The following GNG7 variants were observed in gnomAD, a reference collection of about 807,000 sequenced individuals.
GNG7 encodes the protein guanine nucleotide-binding protein G(I)/G(S)/G(O) subunit gamma-7.
GNG7 carries 1 observed loss-of-function variant against 4.0 expected under a neutral mutation model. That is an observed-to-expected ratio of 0.25 (90% confidence interval 0.09 to 1.18). GNG7 has a LOEUF of 1.18. Ranked by LOEUF, GNG7 falls within the 50% of genes most tolerant of loss-of-function variation. GNG7 has a pLI of 0.50. For missense variants in GNG7, 86 were observed against 91.9 expected (o/e 0.94, Z 0.26); for synonymous variants, 34 against 36.9 (o/e 0.92, Z 0.29).
chr19:2,697,503 C>A (rs1913294973), intron 1 of GNG7, among the ~76,000 whole-genome samples: 1 of 152,144 alleles, frequency 6.6e-6, no homozygotes, highest in Admixed American at 6.6e-5. Context: ...TCCTGGGTGA[C>A]GTAAACCATG....
At chr19:2,659,869 C>T (rs1048459459) in intron 1 of GNG7, among the ~76,000 whole-genome samples, 3 of 152,042 alleles carry the variant, frequency 2.0e-5, no homozygotes, top group Non-Finnish European at 2.9e-5. Context: ...GATCCCCTTC[C>T]ACAAGCTTCC....
chr19:2,551,639 A>G (rs376144712), intron 3 of GNG7, among the ~76,000 whole-genome samples: 1 of 144,742 alleles, frequency 6.9e-6, no homozygotes, highest in Admixed American at 7.1e-5. Flanking sequence ...ATAAAAACAC[A>G]TATACATATT....
At chr19:2,591,451 G>C (rs1391132860) in intron 2 of GNG7, among the ~76,000 whole-genome samples, 1 of 99,938 alleles carries the variant, frequency 1.0e-5, no homozygotes, top group Non-Finnish European at 1.8e-5. Flanking sequence ...TGAAAATAAA[G>C]GGTTTTTTTT....
intron 3 of GNG7, among the ~76,000 whole-genome samples, chr19:2,525,300 G>A (rs1268386575): frequency 6.6e-6 from 1 of 152,190 alleles, no homozygotes; most frequent in African/African-American, 2.4e-5. Flanking sequence ...GTCGGGCTCT[G>A]CCTCGGTGCA....
At chr19:2,678,419 C>G (rs138755587) in intron 1 of GNG7, among the ~76,000 whole-genome samples, 1,732 of 152,200 alleles carry the variant, frequency 0.011, 29 homozygotes, top group African/African-American at 0.039. Context: ...GGCTTGGGCA[C>G]GGAGTCAAAA....
intron 2 of GNG7, among the ~76,000 whole-genome samples, chr19:2,560,939 A>C (rs1302871819): frequency 6.9e-6 from 1 of 144,760 alleles, no homozygotes; most frequent in East Asian, 2.0e-4. Context: ...CCTGGGCGAC[A>C]GAAGGAGACT....
chr19:2,678,557 G>C (rs970071909), intron 1 of GNG7, among the ~76,000 whole-genome samples: 2 of 152,118 alleles, frequency 1.3e-5, no homozygotes, highest in African/African-American at 2.4e-5. Context: ...CACCTATTAT[G>C]GGTGGAGGAA....
Position 2,652,545 on chromosome 19 carries a change from A to T in GNG7, c.-134-6265T>A, listed in dbSNP as rs142912376. Reference sequence around the variant, plus strand: ...GAGGCAGGAGAATCGCTTGAACCCGAGAGGCAGAGGTTGCAGTGAGCTGGG... The same window carrying T: ...GAGGCAGGAGAATCGCTTGAACCCGTGAGGCAGAGGTTGCAGTGAGCTGGG... On this transcript the variant is annotated intron_variant, in intron 1 of 4. Coordinates refer to ENST00000382159, the MANE Select transcript of GNG7 (RefSeq NM_052847.3). Among the ~76,000 whole-genome samples, 1,121 of 151,980 alleles carry T rather than the reference A, an allele frequency of 7.4e-3. 20 individuals carry two copies. Among genetic ancestry groups the T allele is most frequent in the African/African-American group, 0.025 (1,044 of 41,444 alleles).
intron 1 of GNG7, among the ~76,000 whole-genome samples, chr19:2,650,695 G>A (rs59389123): frequency 6.6e-6 from 1 of 152,140 alleles, no homozygotes; most frequent in African/African-American, 2.4e-5. Flanking sequence ...CATCCCAGCC[G>A]CTCTGTCCTC....
intron 2 of GNG7, among the ~76,000 whole-genome samples, chr19:2,607,194 C>G (rs1315546222): frequency 6.9e-6 from 1 of 145,136 alleles, no homozygotes; most frequent in African/African-American, 2.5e-5. Context: ...GCACTCCAGC[C>G]TGGGCGACAG....
chr19:2,542,483 C>T (rs1008132764), intron 3 of GNG7, among the ~76,000 whole-genome samples: 4 of 152,058 alleles, frequency 2.6e-5, no homozygotes, highest in Non-Finnish European at 4.4e-5. Flanking sequence ...AGGGGGACTG[C>T]GCCCTACGAC....
At chr19:2,642,970 C>A (rs1461981607) in intron 2 of GNG7, 1 of 451,646 alleles carries the variant, frequency 2.2e-6, no homozygotes, top group Admixed American at 2.4e-5. Flanking sequence ...GCCGTCGGCA[C>A]CCGAAATGCA....
chr19:2,585,385 G>A (rs1183498264), intron 2 of GNG7, among the ~76,000 whole-genome samples: 2 of 151,906 alleles, frequency 1.3e-5, no homozygotes, highest in African/African-American at 4.8e-5. Context: ...TAAATACATA[G>A]ACACACATAA....
intron 2 of GNG7, among the ~76,000 whole-genome samples, chr19:2,600,028 A>G (rs1981151612): frequency 1.3e-5 from 2 of 152,086 alleles, no homozygotes; most frequent in African/African-American, 4.8e-5. Context: ...AGTGAATTCT[A>G]TGGCATGTAA....
At position 2,628,404 on chromosome 19, in the gene GNG7, C is replaced by G. The variant is rs543295207; in HGVS notation, c.-78+17820G>C. On this transcript the variant is annotated intron_variant, in intron 2 of 4. Transcript: ENST00000382159. ...GTGCTCTGAGCCCCTAGAGGCTACT[C>G]TCAGGTGTCTGCCACATGGACCCTC... is the stretch of plus-strand genomic sequence containing the variant. 3.0e-4 allele frequency among the ~76,000 whole-genome samples: 45 copies of G among 152,258 alleles called. 1 individual carries two copies. The South Asian group carries it at 9.1e-3, about 31-fold the overall frequency.
intron 3 of GNG7, among the ~76,000 whole-genome samples, chr19:2,536,630 C>G (rs988449853): frequency 1.3e-5 from 2 of 152,186 alleles, no homozygotes; most frequent in Admixed American, 6.5e-5. Flanking sequence ...GTATATGTGA[C>G]AGAGCACAGG....
At chr19:2,515,190 AG>A in intron 4 of GNG7, 43 bp from the exon 5 acceptor site, 1 of 1,610,018 alleles carries the variant, frequency 6.2e-7, no homozygotes. Context: ...ACATAAGAAG[AG>A]GCTGGCACAC....
intron 3 of GNG7, among the ~76,000 whole-genome samples, chr19:2,547,899 G>A (rs1029194159): frequency 6.6e-6 from 1 of 152,322 alleles, no homozygotes; most frequent in East Asian, 1.9e-4. Flanking sequence ...CACGTGGCCT[G>A]GTAGGCCCAC....
At chr19:2,570,170 C>T (rs55808007) in intron 2 of GNG7, among the ~76,000 whole-genome samples, 9,391 of 152,054 alleles carry the variant, frequency 0.062, 315 homozygotes, top group African/African-American at 0.084. Context: ...TCCTTTCTCT[C>T]GCTCCCTCTC....
Sources: gnomAD v4.1 joint callset for allele counts (sites outside exome capture counted in the v4.1 genomes callset) on GRCh38, gnomAD v4.1.1 for gene constraint, MANE v1.5 for transcripts, NCBI Gene and HGNC (gene_info 2026-07-23, HGNC 2026-07-21) for gene names.